Variants in RAI14 observed in about 807,000 individuals in gnomAD.
RAI14 encodes ankycorbin.
Under a neutral mutation model 115.4 loss-of-function variants are expected in RAI14, and 45 were observed. That is an observed-to-expected ratio of 0.39 (90% CI 0.31 to 0.50). The LOEUF (loss-of-function observed/expected upper bound fraction) is 0.50. Among genes scored for constraint, RAI14 ranks in the 20% least tolerant of loss-of-function variants. RAI14 has a pLI of 0.85. For missense variants in RAI14, 939 were observed against 1,131.2 expected, an observed-to-expected ratio of 0.83 and a Z score of 2.44; for synonymous variants, 371 against 415.4, an observed-to-expected ratio of 0.89 and a Z score of 1.30.
intron 14 of RAI14, 35 bp from the exon 15 acceptor site, chr5:34,822,921 T>G (rs1023459911): frequency 6.5e-7 from 1 of 1,535,816 alleles, no homozygotes; most frequent in African/African-American, 1.4e-5. Flanking sequence ...TCTCCTGACC[T>G]TTGATATCAT....
chr5:34,696,418 G>A (rs953811877), intron 2 of RAI14, among the ~76,000 whole-genome samples: 2 of 152,190 alleles, frequency 1.3e-5, no homozygotes. Context: ...TTACAGGCGT[G>A]AGCCACCACG....
chr5:34,823,425 C>T lies in RAI14; in HGVS notation c.1583C>T (p.Thr528Met), dbSNP rs367899291. 45 of 1,613,538 alleles carry T rather than the reference C, an allele frequency of 2.8e-5. No individual in the cohort carries two copies. Among genetic ancestry groups the T allele is most frequent in the Non-Finnish European group, 3.5e-5 (41 of 1,179,928 alleles). ...NYSHFHELRV[T>M]EEEINVLKQD... ...TCACATTTCCACGAGCTGAGGGTCA[C>T]GGAAGAGGAAATAAATGTGCTAAAG... The change falls in exon 15 of 18, where the codon ACG becomes ATG. Residue 528 changes from threonine to methionine, a missense_variant. Coordinates refer to ENST00000265109, the MANE Select transcript of RAI14 (RefSeq NM_015577.3). This position sits in a 1 kb window ranked among gnomAD's most constrained non-coding sequence, Gnocchi z 4.5.
At chr5:34,738,367 T>C (rs1403234757) in intron 2 of RAI14, among the ~76,000 whole-genome samples, 1 of 152,246 alleles carries the variant, frequency 6.6e-6, no homozygotes, top group African/African-American at 2.4e-5. Flanking sequence ...TACACTTTGC[T>C]AATTCAGAAT....
intron 2 of RAI14, among the ~76,000 whole-genome samples, chr5:34,754,941 C>T (rs1196808119): frequency 1.3e-5 from 2 of 152,186 alleles, no homozygotes; most frequent in Non-Finnish European, 2.9e-5. Flanking sequence ...TGAATACTTT[C>T]AGTCCTGTCC....
chr5:34,749,692 G>C (rs979026555), intron 2 of RAI14, among the ~76,000 whole-genome samples: 3 of 152,180 alleles, frequency 2.0e-5, no homozygotes, highest in Admixed American at 6.5e-5. Context: ...TGATATATTA[G>C]CAGGAATGTT....
intron 1 of RAI14, chr5:34,657,033 A>T (rs1742324897): frequency 1.3e-5 from 2 of 151,410 alleles, no homozygotes; most frequent in African/African-American, 2.4e-5. Context: ...TCCTCCTCTG[A>T]CTCCAGGGAG....
intron 2 of RAI14, among the ~76,000 whole-genome samples, chr5:34,709,918 A>T (rs776541224): frequency 4.6e-5 from 7 of 152,238 alleles, no homozygotes; most frequent in Non-Finnish European, 7.3e-5. Context: ...CTTGTTTTCA[A>T]ACCATCCCGA....
At chr5:34,660,342 G>T (rs1742595783) in intron 1 of RAI14, among the ~76,000 whole-genome samples, 2 of 152,220 alleles carry the variant, frequency 1.3e-5, no homozygotes, top group African/African-American at 4.8e-5. Flanking sequence ...TAAGGCAGAT[G>T]AATCGCTTGA....
intron 3 of RAI14, among the ~76,000 whole-genome samples, chr5:34,758,832 C>T (rs957963908): frequency 1.3e-5 from 2 of 152,232 alleles, no homozygotes; most frequent in African/African-American, 2.4e-5. Context: ...GACTACATGG[C>T]TCACAAAGCC....
chr5:34,716,304 A>T (rs1741990439), intron 2 of RAI14: 1 of 235,596 alleles, frequency 4.2e-6, no homozygotes, highest in African/African-American at 2.4e-5. Context: ...ATTCCCCTGT[A>T]CCTCCTGGGT....
intron 2 of RAI14, among the ~76,000 whole-genome samples, chr5:34,736,687 G>A (rs72730555): frequency 0.12 from 17,940 of 152,168 alleles, 1,351 homozygotes; most frequent in South Asian, 0.21. Context: ...ACAGGCATGA[G>A]CCATCATGCC....
intron 2 of RAI14, among the ~76,000 whole-genome samples, chr5:34,697,202 C>T (rs193269279): frequency 7.2e-5 from 11 of 151,838 alleles, no homozygotes; most frequent in African/African-American, 1.2e-4. Flanking sequence ...TTTGGGAGGC[C>T]GAGGTGGGTG....
intron 3 of RAI14, among the ~76,000 whole-genome samples, chr5:34,774,688 C>T (rs1232364545): frequency 6.6e-6 from 1 of 151,750 alleles, no homozygotes; most frequent in East Asian, 1.9e-4. Flanking sequence ...AATGTCCATA[C>T]TATCCAAGCA....
intron 3 of RAI14, among the ~76,000 whole-genome samples, chr5:34,760,978 C>A (rs162912): frequency 6.6e-6 from 1 of 152,004 alleles, no homozygotes; most frequent in African/African-American, 2.4e-5. Context: ...TTTATAAATG[C>A]AATCATATAA....
chr5:34,775,391 G>A (rs1040116012), intron 3 of RAI14, among the ~76,000 whole-genome samples: 1 of 152,054 alleles, frequency 6.6e-6, no homozygotes, highest in Non-Finnish European at 1.5e-5. Flanking sequence ...AGTATATAAG[G>A]AGCTCAAACA....
At chr5:34,829,067 GCAGTATTTACAT>G (rs1399001464) in intron 16 of RAI14, among the ~76,000 whole-genome samples, 4 of 151,804 alleles carry the variant, frequency 2.6e-5, no homozygotes, top group Non-Finnish European at 1.5e-5. Flanking sequence ...ATATTTCCTT[GCAGTATTTACAT>G]TTAATGTAGC....
chr5:34,755,290 T>A (rs981120634), intron 2 of RAI14, among the ~76,000 whole-genome samples: 3 of 152,160 alleles, frequency 2.0e-5, no homozygotes, highest in Non-Finnish European at 2.9e-5. Flanking sequence ...AAGACAAAAA[T>A]CTCATTTCTT....
rs188211735 is a variant in RAI14 at position 34,699,749 on chromosome 5, A to G, written c.36+12794A>G. Among the ~76,000 whole-genome samples the G allele has an allele frequency of 6.5e-3, 987 of 152,298 alleles. 18 individuals are homozygous for G. Among genetic ancestry groups the G allele is most frequent in the African/African-American group, 0.023 (945 of 41,556 alleles). On this transcript the variant is annotated intron_variant, in intron 2 of 17. Transcript: ENST00000265109. ...TTGCACCTGGGAACTCTGGGTGCGG[A>G]GCCAGTGTCCTGCCACTGCTGGTGC... is the stretch of plus-strand genomic sequence containing the variant.
chr5:34,819,347 A>G (rs1463163157), intron 13 of RAI14, among the ~76,000 whole-genome samples: 3 of 152,200 alleles, frequency 2.0e-5, no homozygotes, highest in Non-Finnish European at 4.4e-5. Context: ...TAAAAATATC[A>G]TGTTCAGATG....
Sources: gnomAD v4.1 joint callset for allele counts (sites outside exome capture counted in the v4.1 genomes callset) on GRCh38, gnomAD v4.1.1 for gene constraint, Gnocchi (gnomAD v3.1) non-coding constraint, MANE v1.5 for transcripts, NCBI Gene and HGNC (gene_info 2026-07-23, HGNC 2026-07-21) for gene names.